CADM2: variants seen among roughly 807,000 people sequenced by gnomAD.
CADM2 encodes cell adhesion molecule 2.
A neutral mutation model predicts 49.8 loss-of-function variants in CADM2; 12 were observed. The ratio of observed to expected loss-of-function variants is 0.24; its 90% CI spans 0.15 to 0.39. CADM2 has a LOEUF of 0.39. Among genes scored for constraint, CADM2 ranks in the 10% least tolerant of loss-of-function variants. CADM2 has a pLI of 1.00. For missense variants in CADM2, 378 were observed against 492.3 expected (o/e 0.77, Z 2.20); for synonymous variants, 214 against 175.4 (o/e 1.22, Z -1.74).
intron 1 of CADM2, among the ~76,000 whole-genome samples, chr3:85,082,117 CA>C (rs1324858636): frequency 6.6e-5 from 10 of 152,068 alleles, no homozygotes; most frequent in African/African-American, 2.4e-4. Flanking sequence ...TAGTAAATGA[CA>C]AATTCAGATC....
chr3:85,043,997 T>G (rs538419081), intron 1 of CADM2, among the ~76,000 whole-genome samples: 2 of 152,230 alleles, frequency 1.3e-5, no homozygotes, highest in South Asian at 4.2e-4. Context: ...TCTCCTTGTG[T>G]TCACTCACAA....
At chr3:85,876,648 C>G (rs1343308802) in intron 3 of CADM2, among the ~76,000 whole-genome samples, 1 of 152,094 alleles carries the variant, frequency 6.6e-6, no homozygotes, top group African/African-American at 2.4e-5. Context: ...AGAAACCAAT[C>G]TAAAGATACC....
rs984528637 is a variant in CADM2, at chr3:85,384,711, G to GTA, written c.62-341800_62-341799dup. Among the ~76,000 whole-genome samples, 282 of 150,594 alleles carry GTA rather than the reference G, an allele frequency of 1.9e-3. 1 individual carries two copies. Among genetic ancestry groups the GTA allele is most frequent in the African/African-American group, 6.4e-3 (259 of 40,548 alleles). The stretch of plus-strand genomic sequence containing the variant: ...TGTGTGTGAGTGTATACTTGTGTGT[G>GTA]TATATATATATAACAATTATATAAT... On this transcript the variant is annotated intron_variant, in intron 1 of 9. Transcript: ENST00000383699.
chr3:85,358,610 A>G (rs2032069126), intron 1 of CADM2, among the ~76,000 whole-genome samples: 1 of 152,154 alleles, frequency 6.6e-6, no homozygotes, highest in South Asian at 2.1e-4. Context: ...AGACTGGTCA[A>G]TTTAAACAGT....
chr3:86,001,135 A>G (rs1730146221), intron 8 of CADM2, among the ~76,000 whole-genome samples: 1 of 152,176 alleles, frequency 6.6e-6, no homozygotes, highest in African/African-American at 2.4e-5. Flanking sequence ...AGATATCACA[A>G]GCTTCCAGCC....
chr3:85,221,676 A>T (rs2042047285), intron 1 of CADM2, among the ~76,000 whole-genome samples: 1 of 152,164 alleles, frequency 6.6e-6, no homozygotes, highest in Non-Finnish European at 1.5e-5. Flanking sequence ...GAAAAAGTAA[A>T]GCTATGTAAA....
Position 86,017,193 on chromosome 3 carries a change from T to A in CADM2, c.971-48412T>A, listed in dbSNP as rs572009402. On this transcript the variant is annotated intron_variant, in intron 8 of 9. Transcript: ENST00000383699. ...GTATATATATATATATATATATATA[T>A]AATTTACACTATATAGATATGAGGC... 2.9e-4 allele frequency among the ~76,000 whole-genome samples: 42 copies of A among 145,068 alleles called. No homozygotes were observed. In the South Asian group the frequency reaches 6.3e-3, roughly 22 times the overall value.
chr3:85,356,596 C>T (rs951567215), intron 1 of CADM2, among the ~76,000 whole-genome samples: 17 of 152,028 alleles, frequency 1.1e-4, no homozygotes, highest in South Asian at 2.1e-4. Context: ...GAGTAGCTCT[C>T]GAGTTATGGG....
chr3:85,916,048 A>G (rs1006162108), intron 6 of CADM2, among the ~76,000 whole-genome samples: 1 of 152,196 alleles, frequency 6.6e-6, no homozygotes, highest in Non-Finnish European at 1.5e-5. Flanking sequence ...AACTGTGTTA[A>G]GTCTGTAACC....
intron 1 of CADM2, among the ~76,000 whole-genome samples, chr3:85,113,864 T>C (rs1469831211): frequency 6.6e-6 from 1 of 152,046 alleles, no homozygotes; most frequent in Non-Finnish European, 1.5e-5. Context: ...CATAAGTCTC[T>C]TTCAAGTGTC....
At chr3:85,624,533 A>G (rs2064068116) in intron 1 of CADM2, among the ~76,000 whole-genome samples, 1 of 152,082 alleles carries the variant, frequency 6.6e-6, no homozygotes, top group Non-Finnish European at 1.5e-5. Flanking sequence ...GGGTTTCACC[A>G]TGTTGGTCAG....
chr3:85,112,477 C>A (rs930470084), intron 1 of CADM2, among the ~76,000 whole-genome samples: 1 of 151,428 alleles, frequency 6.6e-6, no homozygotes, highest in Non-Finnish European at 1.5e-5. Flanking sequence ...ATTCTTTATT[C>A]CTCTGTACTT....
intron 1 of CADM2, among the ~76,000 whole-genome samples, chr3:85,220,513 T>C (rs1211877302): frequency 6.6e-6 from 1 of 152,174 alleles, no homozygotes; most frequent in Non-Finnish European, 1.5e-5. Context: ...GAGAGTATCT[T>C]GGTATCTGAC....
Position 85,406,843 on chromosome 3 carries a change from T to C in CADM2, c.62-319679T>C, listed in dbSNP as rs958695731. On this transcript the variant is annotated intron_variant, in intron 1 of 9. Transcript: ENST00000383699. ...TACCTGTCATACCACAGTATTTCTA[T>C]GCCACTTTTTGTCATCTTCAATTTA... is the stretch of plus-strand genomic sequence containing the variant. Among the ~76,000 whole-genome samples the C allele has an allele frequency of 9.2e-5, 14 of 152,244 alleles. No homozygotes were observed. In the South Asian group the frequency reaches 2.7e-3, roughly 29 times the overall value.
At chr3:85,493,655 G>T (rs934864949) in intron 1 of CADM2, among the ~76,000 whole-genome samples, 1 of 152,118 alleles carries the variant, frequency 6.6e-6, no homozygotes, top group Non-Finnish European at 1.5e-5. Flanking sequence ...TTTGGGGCTT[G>T]CTACTCTAAA....
At chr3:85,359,657 TATATA>T (rs1406083563) in intron 1 of CADM2, among the ~76,000 whole-genome samples, 8 of 20,516 alleles carry the variant, frequency 3.9e-4, no homozygotes, top group African/African-American at 6.1e-4. Context: ...TATATATATA[TATATA>T]TATATTTTTT....
intron 2 of CADM2, among the ~76,000 whole-genome samples, chr3:85,771,657 G>A (rs1367642746): frequency 6.6e-6 from 1 of 152,038 alleles, no homozygotes; most frequent in East Asian, 1.9e-4. Context: ...TTCTAAAAGG[G>A]TCTAAAAAGG....
At chr3:85,318,207 A>G (rs2044514309) in intron 1 of CADM2, among the ~76,000 whole-genome samples, 1 of 151,542 alleles carries the variant, frequency 6.6e-6, no homozygotes, top group Admixed American at 6.6e-5. Flanking sequence ...AAATATATAT[A>G]TAGTCACATA....
chr3:86,064,219 C>T (rs1273104020), intron 8 of CADM2, among the ~76,000 whole-genome samples: 7 of 151,926 alleles, frequency 4.6e-5, no homozygotes, highest in Admixed American at 2.0e-4. Context: ...CCCCACCCCA[C>T]GACAGGCCCC....
Sources: allele counts gnomAD v4.1 joint callset (sites outside exome capture counted in the v4.1 genomes callset), GRCh38; gene constraint gnomAD v4.1.1; transcripts MANE v1.5; gene names NCBI Gene and HGNC (gene_info 2026-07-23, HGNC 2026-07-21).